The following CACNA1E variants were observed in gnomAD, a reference collection of about 807,000 sequenced individuals.
The protein encoded by CACNA1E is voltage-dependent R-type calcium channel subunit alpha-1E.
Under a neutral mutation model 259.2 loss-of-function variants are expected in CACNA1E, and 40 were observed. The ratio of observed to expected loss-of-function variants is 0.15; its 90% CI spans 0.12 to 0.20. The LOEUF (loss-of-function observed/expected upper bound fraction) is 0.20, where lower values mean the gene tolerates loss of function less well. Ranked by LOEUF, CACNA1E falls within the 10% of genes least tolerant of loss-of-function variation. The pLI, the probability that CACNA1E is intolerant of heterozygous loss-of-function variation, is 1.00. For missense variants in CACNA1E, 1,874 were observed against 3,040.1 expected (o/e 0.62, Z 9.02); for synonymous variants, 1,104 against 1,138.5 (o/e 0.97, Z 0.61).
At chr1:181,541,153 A>C (rs1668552520) in intron 3 of CACNA1E, among the ~76,000 whole-genome samples, 1 of 152,202 alleles carries the variant, frequency 6.6e-6, no homozygotes, top group African/African-American at 2.4e-5. Flanking sequence ...ACCACAGCTG[A>C]GAACCTGGAA....
chr1:181,317,768 T>C (rs1650007305), exon 1 of CACNA1E: 1 of 151,952 alleles, frequency 6.6e-6, no homozygotes, highest in African/African-American at 2.4e-5. Context: ...TCTTCCCTCC[T>C]CCTTTGTTAG....
chr1:181,557,062 G>A (rs1648802953), intron 3 of CACNA1E, among the ~76,000 whole-genome samples: 1 of 152,150 alleles, frequency 6.6e-6, no homozygotes, highest in Admixed American at 6.5e-5. Context: ...AAGGGATTTT[G>A]GTGGGAGCTG....
chr1:181,656,812 A>G (rs1319209556), intron 7 of CACNA1E, among the ~76,000 whole-genome samples: 3 of 152,182 alleles, frequency 2.0e-5, no homozygotes, highest in African/African-American at 7.2e-5. Flanking sequence ...ATGTTTAGAT[A>G]TATTTAGATG....
At chr1:181,715,134 C>G (rs1296303224) in intron 8 of CACNA1E, among the ~76,000 whole-genome samples, 5 of 152,216 alleles carry the variant, frequency 3.3e-5, no homozygotes, top group African/African-American at 1.2e-4. Flanking sequence ...AACACCCCCT[C>G]CCCGAGGCTT....
chr1:181,398,198 G>A (rs1203771130), intron 1 of CACNA1E, among the ~76,000 whole-genome samples: 1 of 152,196 alleles, frequency 6.6e-6, no homozygotes, highest in Non-Finnish European at 1.5e-5. Context: ...GAGAGGAGGG[G>A]CAGTTTAATT....
intron 6 of CACNA1E, among the ~76,000 whole-genome samples, chr1:181,646,592 G>A (rs949198989): frequency 3.3e-5 from 5 of 152,202 alleles, no homozygotes; most frequent in African/African-American, 1.2e-4. Context: ...TGAAGAGGGT[G>A]CACAGACAGG....
At chr1:181,513,535 GACATTTTACAAGGTTGAAGAAGT>G (rs1428406520) in intron 3 of CACNA1E, among the ~76,000 whole-genome samples, 1 of 152,202 alleles carries the variant, frequency 6.6e-6, no homozygotes, top group African/African-American at 2.4e-5. Context: ...CATTTTATGA[GACATTTTACAAGGTTGAAGAAGT>G]ACTTCTGGAG....
At chr1:181,337,223 T>TC (rs1651782389) in intron 1 of CACNA1E, among the ~76,000 whole-genome samples, 1 of 151,396 alleles carries the variant, frequency 6.6e-6, no homozygotes, top group South Asian at 2.1e-4. Flanking sequence ...TGGCATGATC[T>TC]CGGCTCACTG....
At position 181,772,108 on chromosome 1, in the gene CACNA1E, C is replaced by T. The variant is rs776434675; in HGVS notation, c.5016C>T (p.Cys1672=). ...CCTGGCAGGAGATTATGCTGTCATGCCTTGGGGAGAAGGGCTGTGAGCCTG... is the reference window on the plus strand; with the variant it reads ...CCTGGCAGGAGATTATGCTGTCATGTCTTGGGGAGAAGGGCTGTGAGCCTG... ...GEAWQEIMLS[C]LGEKGCEPDT... is the part of the protein sequence containing the mutation. The change falls in exon 37 of 48, where the codon TGC becomes TGT. Residue 1672 remains cysteine (C), a synonymous_variant. Transcript: ENST00000367573. 3.1e-6 allele frequency: 5 copies of T among 1,613,938 alleles called. No homozygotes were observed. In the Admixed American group the frequency reaches 8.3e-5, roughly 27 times the overall value.
rs989464675 is a variant in CACNA1E at position 181,758,406 on chromosome 1, C to T, written c.4494+295C>T. On this transcript the variant is annotated intron_variant, in intron 31 of 47. Transcript: ENST00000367573. The surrounding 1 kb of genome is among the most constrained non-coding windows in gnomAD (Gnocchi z 4.2). Reference sequence around the variant, plus strand: ...ATCAGGAGACAGAGATCCATCATCACGGGGTCTAAAGGAGCCTTGGAGTAT... The same window carrying T: ...ATCAGGAGACAGAGATCCATCATCATGGGGTCTAAAGGAGCCTTGGAGTAT... Among the ~76,000 whole-genome samples, 3 of 152,158 alleles carry T rather than the reference C, an allele frequency of 2.0e-5. No homozygotes were observed. The highest frequency in any genetic ancestry group is 2.4e-5 in the African/African-American group (1 of 41,424).
At chr1:181,611,498 A>G (rs891057831) in intron 6 of CACNA1E, among the ~76,000 whole-genome samples, 5 of 152,074 alleles carry the variant, frequency 3.3e-5, no homozygotes, top group Non-Finnish European at 5.9e-5. Context: ...GTGAGACATT[A>G]GCAGGCAGAT....
chr1:181,576,949 C>T (rs1651038245), intron 3 of CACNA1E, among the ~76,000 whole-genome samples: 1 of 152,134 alleles, frequency 6.6e-6, no homozygotes, highest in Non-Finnish European at 1.5e-5. Context: ...TGTTGAGTTA[C>T]CCCATTCTCA....
At position 181,764,617 on chromosome 1, in the gene CACNA1E, A is replaced by G. The variant is rs1313562745; in HGVS notation, c.4815+1086A>G. Among the ~76,000 whole-genome samples the G allele has an allele frequency of 3.5e-4, 54 of 152,186 alleles. 1 individual carries two copies. The highest frequency in any genetic ancestry group is 3.4e-3 in the Admixed American group (52 of 15,286). ...AGGAGCGACCTTGACACTTTTTATC[A>G]TATCCAGAGAAAGTGTTTGGCGTAA... On this transcript the variant is annotated intron_variant, in intron 34 of 47. Coordinates refer to ENST00000367573, the MANE Select transcript of CACNA1E (RefSeq NM_001205293.3).
At chr1:181,662,421 A>G (rs921025769) in intron 7 of CACNA1E, among the ~76,000 whole-genome samples, 19 of 152,144 alleles carry the variant, frequency 1.2e-4, no homozygotes, top group African/African-American at 4.3e-4. Context: ...TGCCCTATGT[A>G]TAGCCTAGTA....
chr1:181,688,278 A>G (rs1237621590), intron 7 of CACNA1E, among the ~76,000 whole-genome samples: 1 of 152,206 alleles, frequency 6.6e-6, no homozygotes, highest in African/African-American at 2.4e-5. Context: ...GCTAAATGTT[A>G]TATGAATTGT....
chr1:181,746,361 A>G (rs891239156), intron 25 of CACNA1E, among the ~76,000 whole-genome samples: 5 of 152,200 alleles, frequency 3.3e-5, no homozygotes, highest in Non-Finnish European at 5.9e-5. Context: ...TTTACAGTTG[A>G]GAAGTGGATT....
In CACNA1E at chr1:181,616,680, C is replaced by T. The variant is rs112030684; in HGVS notation, c.952-34658C>T. The stretch of plus-strand genomic sequence containing the variant: ...AGTGAGCTGAGATCGCACCACTGCT[C>T]TCCAGCCTGGTGACAGAGCAAGACT... On this transcript the variant is annotated intron_variant, in intron 6 of 47. Transcript: ENST00000367573. 4.6e-3 allele frequency among the ~76,000 whole-genome samples: 704 copies of T among 151,984 alleles called. 10 individuals carry two copies. Among genetic ancestry groups the T allele is most frequent in the Middle Eastern group, 0.014 (4 of 294 alleles).
chr1:181,377,224 G>A (rs1465124455), intron 1 of CACNA1E, among the ~76,000 whole-genome samples: 1 of 152,218 alleles, frequency 6.6e-6, no homozygotes, highest in Non-Finnish European at 1.5e-5. Context: ...GACTTTATAA[G>A]AGAGGTGGAG....
chr1:181,349,134 G>A (rs1652839355), intron 1 of CACNA1E, among the ~76,000 whole-genome samples: 1 of 152,226 alleles, frequency 6.6e-6, no homozygotes, highest in African/African-American at 2.4e-5. Flanking sequence ...GTGGGCTGCT[G>A]TTATGGGACA....
Sources: allele counts gnomAD v4.1 joint callset (sites outside exome capture counted in the v4.1 genomes callset), GRCh38; gene constraint gnomAD v4.1.1; non-coding constraint Gnocchi (gnomAD v3.1); transcripts MANE v1.5; gene names NCBI Gene and HGNC (gene_info 2026-07-23, HGNC 2026-07-21).